The following CD8B2 variants were observed in gnomAD, a reference collection of about 807,000 sequenced individuals.
CD8B2 encodes the protein T-cell surface glycoprotein CD8 beta-2 chain.
Under a neutral mutation model 23.7 loss-of-function variants are expected in CD8B2, and 11 were observed. The observed-to-expected ratio is 0.46, with a 90% CI of 0.29 to 0.77. The LOEUF is 0.77. Among genes scored for constraint, CD8B2 ranks in the 30% least tolerant of loss-of-function variants. The pLI, the probability that CD8B2 is intolerant of heterozygous loss-of-function variation, is 0.09. For synonymous variants in CD8B2, 90 were observed against 109.3 expected (o/e 0.82, Z 1.10); for missense variants, 197 against 270.5 (o/e 0.73, Z 1.91).
At chr2:106,499,349 A>T (rs541054634) in intron 3 of CD8B2, among the ~76,000 whole-genome samples, 1 of 152,204 alleles carries the variant, frequency 6.6e-6, no homozygotes, top group South Asian at 2.1e-4. Context: ...CCTGATCAAC[A>T]TGGCGAAACC....
intron 5 of CD8B2, among the ~76,000 whole-genome samples, chr2:106,529,518 C>T (rs538975561): frequency 6.6e-5 from 10 of 152,344 alleles, no homozygotes; most frequent in Middle Eastern, 6.8e-3. Flanking sequence ...CAGATGCCTT[C>T]TCTCTCACTC....
At chr2:106,526,411 C>T (rs1679907537) in intron 5 of CD8B2, among the ~76,000 whole-genome samples, 1 of 152,168 alleles carries the variant, frequency 6.6e-6, no homozygotes, top group African/African-American at 2.4e-5. Flanking sequence ...GCATTCACGG[C>T]CATTTACCCC....
intron 1 of CD8B2, among the ~76,000 whole-genome samples, chr2:106,489,043 C>T (rs1296493422): frequency 6.8e-6 from 1 of 146,568 alleles, no homozygotes; most frequent in Non-Finnish European, 1.5e-5. Flanking sequence ...TGCTCTGTCG[C>T]CCAGGCTGGA....
chr2:106,517,098 CATTT>C (rs1467386656), intron 5 of CD8B2, among the ~76,000 whole-genome samples: 1 of 150,290 alleles, frequency 6.7e-6, no homozygotes, highest in African/African-American at 2.4e-5. Flanking sequence ...TTTTAATATT[CATTT>C]ATTACTCAAA....
At chr2:106,497,407 C>A (rs1178964553) in intron 3 of CD8B2, among the ~76,000 whole-genome samples, 1 of 152,184 alleles carries the variant, frequency 6.6e-6, no homozygotes, top group African/African-American at 2.4e-5. Context: ...CTGGAGTGTA[C>A]GCACATACAC....
chr2:106,537,425 A>T (rs933538935), intron 5 of CD8B2, among the ~76,000 whole-genome samples: 1 of 152,126 alleles, frequency 6.6e-6, no homozygotes, highest in African/African-American at 2.4e-5. Context: ...GCAGAAAATT[A>T]TGGTTCAACG....
At chr2:106,500,482 G>A (rs1679383955) in intron 3 of CD8B2, among the ~76,000 whole-genome samples, 1 of 151,364 alleles carries the variant, frequency 6.6e-6, no homozygotes, top group East Asian at 1.9e-4. Flanking sequence ...TCTCGCCATT[G>A]CACTCCAGCC....
rs1679622114 is a variant in CD8B2, at chr2:106,511,031, T to A, written c.*4091T>A. The A allele has an allele frequency of 6.6e-6, 1 of 152,206 alleles. No individual in the cohort carries two copies. Among genetic ancestry groups the A allele is most frequent in the African/African-American group, 2.4e-5 (1 of 41,450 alleles). The allele number at this position is 152,206 out of a possible 1,614,324, so 9.4% of individuals were successfully genotyped here. A position where few individuals can be genotyped will look rare whatever the true frequency, so the allele number is the denominator to read the frequency against. On this transcript the variant is annotated 3_prime_UTR_variant, in exon 6 of 6. Transcript: ENST00000643224. ...ACAGTTCCTTGTGTGAATTTTTACATCATGTATTACTTTTGTAGTTGGGGA... is the reference window on the plus strand; with the variant it reads ...ACAGTTCCTTGTGTGAATTTTTACAACATGTATTACTTTTGTAGTTGGGGA...
At chr2:106,524,958 T>G (rs905482782) in intron 5 of CD8B2, among the ~76,000 whole-genome samples, 2 of 152,184 alleles carry the variant, frequency 1.3e-5, no homozygotes, top group African/African-American at 4.8e-5. Context: ...TCTACTCTCC[T>G]CAGCCAGTCT....
At chr2:106,536,136 G>A (rs1348230920) in intron 5 of CD8B2, among the ~76,000 whole-genome samples, 1 of 150,996 alleles carries the variant, frequency 6.6e-6, no homozygotes. Context: ...CAGGGTTCAA[G>A]CGATTCTCCT....
At chr2:106,536,214 A>G (rs1680086972) in intron 5 of CD8B2, among the ~76,000 whole-genome samples, 1 of 151,924 alleles carries the variant, frequency 6.6e-6, no homozygotes, top group Non-Finnish European at 1.5e-5. Context: ...TTGTATTTTT[A>G]GTAGACAGGG....
At chr2:106,493,731 G>A (rs916039743) in intron 2 of CD8B2, among the ~76,000 whole-genome samples, 2 of 152,202 alleles carry the variant, frequency 1.3e-5, no homozygotes, top group African/African-American at 4.8e-5. Flanking sequence ...CTTTGCACGT[G>A]AGGTAGTGTG....
At chr2:106,523,864 C>T (rs889350079) in intron 5 of CD8B2, among the ~76,000 whole-genome samples, 3 of 152,148 alleles carry the variant, frequency 2.0e-5, no homozygotes, top group Non-Finnish European at 4.4e-5. Context: ...ATTGCTTTCT[C>T]ATTGGGTCGG....
intron 5 of CD8B2, among the ~76,000 whole-genome samples, chr2:106,527,185 C>A (rs1479503741): frequency 6.6e-6 from 1 of 152,098 alleles, no homozygotes; most frequent in African/African-American, 2.4e-5. Context: ...TTTACATTCC[C>A]ACCAGGAATG....
At chr2:106,531,244 A>G (rs547399717) in intron 5 of CD8B2, among the ~76,000 whole-genome samples, 62 of 152,270 alleles carry the variant, frequency 4.1e-4, no homozygotes, top group Non-Finnish European at 5.7e-4. Context: ...GATTTAGCTC[A>G]TGACACTCAG....
At chr2:106,527,568 C>T (rs551454167) in intron 5 of CD8B2, among the ~76,000 whole-genome samples, 18 of 152,278 alleles carry the variant, frequency 1.2e-4, no homozygotes, top group Admixed American at 2.6e-4. Flanking sequence ...GTGGATCATG[C>T]GGCCAGGAGT....
At chr2:106,536,883 T>C (rs1258478291) in intron 5 of CD8B2, among the ~76,000 whole-genome samples, 1 of 152,218 alleles carries the variant, frequency 6.6e-6, no homozygotes, top group African/African-American at 2.4e-5. Flanking sequence ...GACTGACAGC[T>C]CTGTTACCCC....
chr2:106,522,410 GAAT>G (rs1558884034), intron 5 of CD8B2, among the ~76,000 whole-genome samples: 2 of 152,180 alleles, frequency 1.3e-5, no homozygotes, highest in African/African-American at 4.8e-5. Flanking sequence ...TTTTTGTGAA[GAAT>G]AAGTCACCAA....
intron 5 of CD8B2, among the ~76,000 whole-genome samples, chr2:106,535,874 C>A (rs1680079583): frequency 6.6e-6 from 1 of 152,116 alleles, no homozygotes; most frequent in Non-Finnish European, 1.5e-5. Context: ...AATGGGCTGA[C>A]AGTTCTGCAG....
Sources: allele counts gnomAD v4.1 joint callset (sites outside exome capture counted in the v4.1 genomes callset), GRCh38; gene constraint gnomAD v4.1.1; transcripts MANE v1.5; gene names NCBI Gene and HGNC (gene_info 2026-07-23, HGNC 2026-07-21).